ITPR2: variants seen among roughly 807,000 people sequenced by gnomAD.
ITPR2 encodes the protein inositol 1,4,5-trisphosphate-gated calcium channel ITPR2.
In ITPR2, 207 loss-of-function variants were observed where a neutral mutation model predicts 317.1. The observed-to-expected ratio is 0.65, with a 90% CI of 0.58 to 0.73. The LOEUF (loss-of-function observed/expected upper bound fraction) is 0.73, where lower values mean the gene tolerates loss of function less well. Among genes scored for constraint, ITPR2 ranks in the 30% least tolerant of loss-of-function variants. ITPR2 has a pLI of 0.00. For synonymous variants in ITPR2, 1,156 were observed against 1,149.1 expected, an observed-to-expected ratio of 1.01 and a Z score of -0.12; for missense variants, 2,613 against 3,284.0, an observed-to-expected ratio of 0.80 and a Z score of 4.99.
At position 26,475,315 on chromosome 12, in the gene ITPR2, A is replaced by G. The variant is rs879011109; in HGVS notation, c.6323T>C (p.Ile2108Thr). The G allele has an allele frequency of 1.9e-6, 3 of 1,614,058 alleles. No individual in the cohort carries two copies. Among genetic ancestry groups the G allele is most frequent in the Non-Finnish European group, 2.5e-6 (3 of 1,179,972 alleles). Residue 2108 changes from isoleucine (I) to threonine (T), a missense_variant, in exon 45 of 57, where the codon ATC becomes ACC. By Grantham distance (89) the Ile-to-Thr change is moderately conservative. Transcript: ENST00000381340. ...GVSPKDVGHN[I>T]YILAHQLARH... ...TGACACCTGATGGGCCAGAATATAG[A>G]TATTGTGTCCAACATCTTTTGGAGA...
intron 2 of ITPR2, among the ~76,000 whole-genome samples, chr12:26,772,447 A>ATG (rs1949867170): frequency 9.5e-6 from 1 of 105,258 alleles, no homozygotes; most frequent in Middle Eastern, 3.9e-3. Flanking sequence ...TGTATTATAT[A>ATG]TATTATATAT....
In ITPR2 at chr12:26,831,672, A is replaced by ATT. The variant is rs1270623294; in HGVS notation, c.92+1017_92+1018insAA. Among the ~76,000 whole-genome samples, 9 of 140,608 alleles carry ATT rather than the reference A, an allele frequency of 6.4e-5. No individual in the cohort carries two copies. The highest frequency in any genetic ancestry group is 2.2e-4 in the South Asian group (1 of 4,462). The allele number at this position is 140,608 out of a possible 152,430, so 92.2% of individuals were successfully genotyped here. A position where few individuals can be genotyped will look rare whatever the true frequency, so the allele number is the denominator to read the frequency against. On this transcript the variant is annotated intron_variant, in intron 1 of 56. Coordinates refer to ENST00000381340, the MANE Select transcript of ITPR2 (RefSeq NM_002223.4). This position sits in a 1 kb window ranked among gnomAD's most constrained non-coding sequence, Gnocchi z 4.9. ...ATTTAACCATTTGGCACACTGTTTT[A>ATT]TATATAAATATATATATATATTCTA... is the stretch of plus-strand genomic sequence containing the variant.
At chr12:26,570,284 GATA>G (rs1945125138) in intron 34 of ITPR2, among the ~76,000 whole-genome samples, 1 of 152,128 alleles carries the variant, frequency 6.6e-6, no homozygotes, top group South Asian at 2.1e-4. Flanking sequence ...ATGCATTTCA[GATA>G]ATGAGGAATC....
chr12:26,430,856 T>A (rs908500293), intron 48 of ITPR2, among the ~76,000 whole-genome samples: 14 of 152,164 alleles, frequency 9.2e-5, no homozygotes, highest in Non-Finnish European at 1.5e-4. Context: ...GTACAGAACA[T>A]GCTGCTTCTT....
At chr12:26,552,015 A>G (rs1450112816) in intron 36 of ITPR2, among the ~76,000 whole-genome samples, 4 of 152,206 alleles carry the variant, frequency 2.6e-5, no homozygotes, top group African/African-American at 7.2e-5. Context: ...GAAGCAGAGG[A>G]GACGGAGCAA....
chr12:26,728,855 C>T (rs34093108), intron 2 of ITPR2, among the ~76,000 whole-genome samples: 32,073 of 152,064 alleles, frequency 0.21, 3,533 homozygotes, highest in Non-Finnish European at 0.24. Context: ...AATAGCCTCA[C>T]TAAGATGAAG....
chr12:26,415,552 G>T, intron 50 of ITPR2, 54 bp from the exon 51 acceptor site: 2 of 1,226,904 alleles, frequency 1.6e-6, no homozygotes, highest in South Asian at 2.1e-5. Context: ...AGGAAAAGGT[G>T]AACAAACAAA....
At position 26,735,397 on chromosome 12, in the gene ITPR2, A is replaced by G. The variant is rs535145695; in HGVS notation, c.164-9632T>C. Among the ~76,000 whole-genome samples, 3 of 152,268 alleles carry G rather than the reference A, an allele frequency of 2.0e-5. No individual in the cohort carries two copies. The South Asian group carries it at 6.2e-4, about 32-fold the overall frequency. On this transcript the variant is annotated intron_variant, in intron 2 of 56. Transcript: ENST00000381340. ...AACAGGAAGAGAAAGGGAAAGGGAAAGAGAAGGGAAGGACAAGGGAAACAA... is the reference window on the plus strand; with the variant it reads ...AACAGGAAGAGAAAGGGAAAGGGAAGGAGAAGGGAAGGACAAGGGAAACAA...
intron 40 of ITPR2, 50 bp downstream of exon 40, chr12:26,487,018 C>T: frequency 2.7e-6 from 4 of 1,458,336 alleles, no homozygotes; most frequent in Non-Finnish European, 3.9e-6. Flanking sequence ...AAACGCTATT[C>T]CCCTCTTTTC....
At chr12:26,677,257 T>C (rs1947928692) in intron 13 of ITPR2, among the ~76,000 whole-genome samples, 1 of 152,078 alleles carries the variant, frequency 6.6e-6, no homozygotes, top group East Asian at 1.9e-4. Flanking sequence ...AAAATAAAAA[T>C]GCATTCAAAT....
At chr12:26,815,203 C>T (rs781087354) in intron 1 of ITPR2, among the ~76,000 whole-genome samples, 6 of 152,012 alleles carry the variant, frequency 3.9e-5, no homozygotes, top group African/African-American at 7.2e-5. Flanking sequence ...TGATGGTGCA[C>T]GCCTCTAGTC....
intron 21 of ITPR2, among the ~76,000 whole-genome samples, chr12:26,650,387 T>C (rs1182547267): frequency 6.6e-6 from 1 of 152,166 alleles, no homozygotes; most frequent in African/African-American, 2.4e-5. Flanking sequence ...ATTATACATT[T>C]GTCCAAATAC....
chr12:26,445,449 C>G (rs186367538), intron 45 of ITPR2, among the ~76,000 whole-genome samples: 52 of 152,156 alleles, frequency 3.4e-4, no homozygotes, highest in African/African-American at 1.2e-3. Context: ...CTCCATGGAA[C>G]TCCAATATAG....
chr12:26,589,655 C>CG (rs139510378), intron 32 of ITPR2, among the ~76,000 whole-genome samples: 16,216 of 149,198 alleles, frequency 0.11, 1,009 homozygotes, highest in Middle Eastern at 0.2. Flanking sequence ...GGCGTGGTGG[C>CG]GGGGGCCTAT....
chr12:26,497,151 C>T (rs1160702760), intron 37 of ITPR2, among the ~76,000 whole-genome samples: 2 of 145,188 alleles, frequency 1.4e-5, no homozygotes, highest in Non-Finnish European at 3.0e-5. Flanking sequence ...GATCATTTCT[C>T]TCTCTTTTTT....
At chr12:26,690,003 C>T (rs1179253358) in intron 10 of ITPR2, among the ~76,000 whole-genome samples, 1 of 152,118 alleles carries the variant, frequency 6.6e-6, no homozygotes, top group East Asian at 1.9e-4. Context: ...TTTTGGAACC[C>T]TATTGTAGCC....
chr12:26,746,371 G>C (rs1949323852), intron 2 of ITPR2, among the ~76,000 whole-genome samples: 1 of 152,224 alleles, frequency 6.6e-6, no homozygotes, highest in South Asian at 2.1e-4. Flanking sequence ...GACAGAGCTA[G>C]TGTTTGCTGC....
In ITPR2 at chr12:26,475,424, C is replaced by G; in HGVS notation, c.6220-6G>C. 8.4e-7 allele frequency: 1 copy of G among 1,192,310 alleles called. No homozygotes were observed. Among genetic ancestry groups the G allele is most frequent in the Non-Finnish European group, 1.1e-6 (1 of 872,158 alleles). The allele number at this position is 1,192,310 out of a possible 1,614,324, so 73.9% of individuals were successfully genotyped here. On this transcript the variant is annotated splice_polypyrimidine_tract_variant and splice_region_variant and intron_variant, in intron 44 of 56. Coordinates refer to ENST00000381340, the MANE Select transcript of ITPR2 (RefSeq NM_002223.4). ...GCATTCTTCATCACATCCACCTATC[C>G]AAAAAAAAAAAGAATATTGAAATGC...
chr12:26,423,157 G>A (rs1940947006), intron 49 of ITPR2, among the ~76,000 whole-genome samples: 1 of 152,162 alleles, frequency 6.6e-6, no homozygotes, highest in Admixed American at 6.5e-5. Flanking sequence ...GTAGTTAGGA[G>A]CATTCAGTGA....
Sources: allele counts gnomAD v4.1 joint callset (sites outside exome capture counted in the v4.1 genomes callset), GRCh38; gene constraint gnomAD v4.1.1; non-coding constraint Gnocchi (gnomAD v3.1); transcripts MANE v1.5; gene names NCBI Gene and HGNC (gene_info 2026-07-23, HGNC 2026-07-21).